The following DTX2 variants were observed in gnomAD, a reference collection of about 807,000 sequenced individuals.
DTX2 encodes the protein deltex E3 ubiquitin ligase 2, also known as probable E3 ubiquitin-protein ligase DTX2.
DTX2 carries 29 observed loss-of-function variants against 55.3 expected under a neutral mutation model. The ratio of observed to expected loss-of-function variants is 0.52; its 90% CI spans 0.39 to 0.71. The LOEUF (loss-of-function observed/expected upper bound fraction) is 0.71, where lower values mean the gene tolerates loss of function less well. DTX2 is among the 30% of genes least tolerant of loss of function. The pLI, the probability that DTX2 is intolerant of heterozygous loss-of-function variation, is 0.00. For missense variants in DTX2, 537 were observed against 822.5 expected (o/e 0.65, Z 4.25); for synonymous variants, 276 against 340.4 (o/e 0.81, Z 2.08).
chr7:76,481,018 C>T (rs60782153), intron 3 of DTX2, among the ~76,000 whole-genome samples: 5,851 of 152,278 alleles, frequency 0.038, 310 homozygotes, highest in African/African-American at 0.13. Context: ...ATGCCTGTCC[C>T]GACCACAGAG....
Position 76,505,270 on chromosome 7 carries a change from A to T in DTX2, c.1642-104A>T. 1 of 961,730 alleles carries T rather than the reference A, an allele frequency of 1.0e-6. No homozygotes were observed. The highest frequency in any genetic ancestry group is 2.6e-5 in the East Asian group (1 of 38,072). 59.6% of individuals were successfully genotyped at this position (961,730 alleles called of 1,614,324 possible). On this transcript the variant is annotated intron_variant, in intron 10 of 10. Transcript: ENST00000430490. This position sits in a 1 kb window ranked among gnomAD's most constrained non-coding sequence, Gnocchi z 4.4. ...CCAGGGAGTGGATGAGTCACCTGGG[A>T]GGGGCTGGGATGGGAAGAACATGGT...
At chr7:76,491,172 A>C (rs1193009551) in intron 4 of DTX2, among the ~76,000 whole-genome samples, 2 of 148,948 alleles carry the variant, frequency 1.3e-5, no homozygotes, top group African/African-American at 5.0e-5. Context: ...TAATTTTTGT[A>C]GTTTTAGTAG....
Position 76,482,999 on chromosome 7 carries a change from G to A in DTX2, c.760G>A (p.Gly254Arg), listed in dbSNP as rs142474507. ...FAPYNKPSLS[G>R]ARSAPRLNTT... ...ACCGTACAACAAACCCTCACTCTCCGGGGCCCGGTCTGCGCCCAGGCTGAA... is the reference window on the plus strand; with the variant it reads ...ACCGTACAACAAACCCTCACTCTCCAGGGCCCGGTCTGCGCCCAGGCTGAA... The change falls in exon 4 of 11, where the codon GGG (glycine) becomes AGG (arginine). Residue 254 changes from glycine (G) to arginine (R), a missense_variant. Around this residue, in one of 7 missense-constraint regions of DTX2, gnomAD observed 301 missense variants for 396.6 expected, o/e 0.76. Coordinates refer to ENST00000430490, the MANE Select transcript of DTX2 (RefSeq NM_001102594.3). 1.1e-4 allele frequency: 171 copies of A among 1,613,346 alleles called. 1 individual carries two copies. The highest frequency in any genetic ancestry group is 7.4e-4 in the South Asian group (67 of 91,038).
intron 2 of DTX2, chr7:76,472,050 C>G (rs1198555737): frequency 6.7e-6 from 1 of 149,698 alleles, no homozygotes; most frequent in Admixed American, 6.7e-5. Flanking sequence ...GAGGCACTGG[C>G]CTGAGTGATC....
intron 6 of DTX2, chr7:76,500,204 G>A (rs1454282091): frequency 2.7e-6 from 1 of 375,898 alleles, no homozygotes; most frequent in Non-Finnish European, 5.2e-6. Context: ...CATCCTCCAT[G>A]GCTCCTGGGG....
chr7:76,466,684 C>T (rs181493521), intron 2 of DTX2, among the ~76,000 whole-genome samples: 10 of 152,338 alleles, frequency 6.6e-5, no homozygotes, highest in Admixed American at 1.3e-4. Flanking sequence ...CTCCACCTCC[C>T]GGGTTCAAGC....
At chr7:76,495,330 G>A (rs1227008454) in intron 5 of DTX2, among the ~76,000 whole-genome samples, 69 of 148,182 alleles carry the variant, frequency 4.7e-4, no homozygotes, top group African/African-American at 1.7e-3. Context: ...AGGGGTGTCT[G>A]CAAATTGGAA....
At chr7:76,480,902 TG>T in intron 3 of DTX2, 125 bp downstream of exon 3, 1 of 1,139,924 alleles carries the variant, frequency 8.8e-7, no homozygotes. Flanking sequence ...GCAGCACACG[TG>T]GTGGTGGGTG....
At chr7:76,499,600 C>G (rs1621319) in intron 6 of DTX2, among the ~76,000 whole-genome samples, 47,525 of 142,486 alleles carry the variant, frequency 0.33, 7,867 homozygotes, top group Middle Eastern at 0.49. Context: ...ACGGGTGGCA[C>G]TGGGCTCCCC....
rs370431095 is a variant in DTX2, at chr7:76,473,162, T to C, written c.-89-7259T>C. 6.6e-5 allele frequency among the ~76,000 whole-genome samples: 10 copies of C among 152,124 alleles called. No individual in the cohort carries two copies. In the East Asian group the frequency reaches 7.7e-4, roughly 12 times the overall value. ...TTTAACTTGTATGTTTTAAACAAAA[T>C]TTCTAGTAAAGTAGAACATTTCTTT... On this transcript the variant is annotated intron_variant, in intron 2 of 10. Transcript: ENST00000430490.
intron 1 of DTX2, 114 bp downstream of exon 1, chr7:76,461,950 A>AGGGGGACCGACGGCCGGGGCGGC (rs1378041215): frequency 4.0e-5 from 6 of 151,140 alleles, no homozygotes; most frequent in Non-Finnish European, 8.9e-5. Context: ...CGTGGGTGTG[A>AGGGGGACCGACGGCCGGGGCGGC]GGGGGACCGA....
At chr7:76,464,136 C>G (rs1161013025) in intron 2 of DTX2, among the ~76,000 whole-genome samples, 9 of 151,744 alleles carry the variant, frequency 5.9e-5, no homozygotes, top group African/African-American at 1.7e-4. Context: ...GCTCTCCTAC[C>G]CACATCCAGA....
chr7:76,491,841 CTT>C (rs1201326045), intron 4 of DTX2, among the ~76,000 whole-genome samples: 11 of 132,834 alleles, frequency 8.3e-5, no homozygotes, highest in Non-Finnish European at 1.4e-4. Flanking sequence ...ACTTGGCAGA[CTT>C]TTAAAAATTT....
At chr7:76,483,329 T>C (rs1333311747) in intron 4 of DTX2, among the ~76,000 whole-genome samples, 182 bp downstream of exon 4, 3 of 152,206 alleles carry the variant, frequency 2.0e-5, no homozygotes, top group African/African-American at 4.8e-5. Flanking sequence ...CCTGACCCCT[T>C]GTACCTGAGT....
chr7:76,484,569 T>C (rs1453260856), intron 4 of DTX2, among the ~76,000 whole-genome samples: 2 of 120,910 alleles, frequency 1.7e-5, no homozygotes, highest in Admixed American at 1.7e-4. Flanking sequence ...AGGGAGTGGG[T>C]GGGCCTGGGG....
At chr7:76,472,718 C>T (rs1360725537) in intron 2 of DTX2, among the ~76,000 whole-genome samples, 1 of 150,186 alleles carries the variant, frequency 6.7e-6, no homozygotes, top group African/African-American at 2.5e-5. Flanking sequence ...AACAAAACGT[C>T]TCCTATATAT....
In DTX2 at chr7:76,482,438, A is replaced by C. The variant is rs938741939; in HGVS notation, c.269-70A>C. ...TATTTGTTTATTTTGGCGGTTGAAAAAAGAATTTGAACGTTCCCTGTATCT... is the reference window on the plus strand; with the variant it reads ...TATTTGTTTATTTTGGCGGTTGAAACAAGAATTTGAACGTTCCCTGTATCT... On this transcript the variant is annotated intron_variant, in intron 3 of 10. Transcript: ENST00000430490. 2.0e-6 allele frequency: 3 copies of C among 1,491,816 alleles called. No individual in the cohort carries two copies. The African/African-American group carries it at 4.2e-5, about 21-fold the overall frequency. The allele number at this position is 1,491,816 out of a possible 1,614,324, so 92.4% of individuals were successfully genotyped here.
chr7:76,489,855 C>T (rs529463012), intron 4 of DTX2, among the ~76,000 whole-genome samples: 1 of 137,120 alleles, frequency 7.3e-6, no homozygotes, highest in Admixed American at 7.6e-5. Flanking sequence ...GTGACTTGAA[C>T]ATAATCATTG....
At chr7:76,494,147 A>G (rs1810675152) in intron 5 of DTX2, among the ~76,000 whole-genome samples, 1 of 85,568 alleles carries the variant, frequency 1.2e-5, no homozygotes, top group South Asian at 4.5e-4. Flanking sequence ...TCAGAAGAGC[A>G]GTCTTGGGTG....
Sources: gnomAD v4.1 joint callset for allele counts (sites outside exome capture counted in the v4.1 genomes callset) on GRCh38, gnomAD v4.1.1 for gene constraint, gnomAD v4.1.1 regional missense constraint, Gnocchi (gnomAD v3.1) non-coding constraint, MANE v1.5 for transcripts, NCBI Gene and HGNC (gene_info 2026-07-23, HGNC 2026-07-21) for gene names.